Variants in OLFM2 observed in about 807,000 individuals in gnomAD.
OLFM2 encodes the protein noelin-2.
In OLFM2, 20 loss-of-function variants were observed where a neutral mutation model predicts 43.9. The ratio of observed to expected loss-of-function variants is 0.46; its 90% CI spans 0.32 to 0.66. The LOEUF is 0.66. OLFM2 is among the 30% of genes least tolerant of loss of function. The probability of loss-of-function intolerance (pLI) is 0.04; values close to 1 mark genes in which losing one functional copy is unlikely to be tolerated. For synonymous variants in OLFM2, 268 were observed against 278.6 expected, an observed-to-expected ratio of 0.96 and a Z score of 0.38; for missense variants, 416 against 643.6, an observed-to-expected ratio of 0.65 and a Z score of 3.83.
intron 1 of OLFM2, among the ~76,000 whole-genome samples, chr19:9,910,608 G>C (rs2046819611): frequency 6.6e-6 from 1 of 152,202 alleles, no homozygotes; most frequent in African/African-American, 2.4e-5. Context: ...TAGATGAATG[G>C]ATGGAGAGGC....
chr19:9,903,349 GC>G (rs138386406), intron 1 of OLFM2, among the ~76,000 whole-genome samples: 5,060 of 152,216 alleles, frequency 0.033, 190 homozygotes, highest in African/African-American at 0.096. Context: ...CTCCTGAACA[GC>G]CAGGTACCCA....
chr19:9,862,890 G>A (rs2046374296), intron 1 of OLFM2, among the ~76,000 whole-genome samples: 1 of 151,084 alleles, frequency 6.6e-6, no homozygotes, highest in African/African-American at 2.4e-5. Flanking sequence ...CAGGAGAATC[G>A]CTTGAACCTG....
intron 1 of OLFM2, among the ~76,000 whole-genome samples, chr19:9,935,772 C>T (rs1330524351): frequency 1.3e-5 from 2 of 151,634 alleles, no homozygotes; most frequent in Non-Finnish European, 2.9e-5. Flanking sequence ...CACACAAACT[C>T]CCCCCGGTCA....
intron 1 of OLFM2, among the ~76,000 whole-genome samples, chr19:9,894,413 A>T (rs775100871): frequency 9.6e-6 from 1 of 103,666 alleles, no homozygotes; most frequent in African/African-American, 5.2e-5. Context: ...TAATAATAAT[A>T]AATAAATAAA....
At position 9,923,956 on chromosome 19, in the gene OLFM2, C is replaced by T. The variant is rs181081604; in HGVS notation, c.63+12348G>A. Among the ~76,000 whole-genome samples the T allele has an allele frequency of 1.1e-4, 17 of 151,426 alleles. 1 individual carries two copies. Among genetic ancestry groups the T allele is most frequent in the Non-Finnish European group, 5.9e-5 (4 of 67,842 alleles). The stretch of plus-strand genomic sequence containing the variant: ...CTCTACTAAAAATACAAAAATTAGC[C>T]GGGCTTGGTGGTGTGTGCCTGTAAT... On this transcript the variant is annotated intron_variant, in intron 1 of 5. Coordinates refer to ENST00000264833, the MANE Select transcript of OLFM2 (RefSeq NM_058164.4).
intron 1 of OLFM2, among the ~76,000 whole-genome samples, chr19:9,888,569 AACT>A (rs1599482217): frequency 6.6e-6 from 1 of 150,984 alleles, no homozygotes; most frequent in Admixed American, 6.6e-5. Context: ...CCCTGGCCAG[AACT>A]ACAAGTGCCC....
At chr19:9,902,047 G>A (rs549051659) in intron 1 of OLFM2, among the ~76,000 whole-genome samples, 12 of 145,592 alleles carry the variant, frequency 8.2e-5, no homozygotes, top group South Asian at 2.2e-4. Flanking sequence ...TATATATTTC[G>A]AGATGGAGTC....
chr19:9,896,186 C>T (rs1335266057), intron 1 of OLFM2, among the ~76,000 whole-genome samples: 3 of 147,736 alleles, frequency 2.0e-5, no homozygotes, highest in African/African-American at 5.0e-5. Flanking sequence ...CTGCAAGCTC[C>T]GCGTCCCGGG....
chr19:9,910,421 G>A (rs1599495491), intron 1 of OLFM2, among the ~76,000 whole-genome samples: 1 of 152,216 alleles, frequency 6.6e-6, no homozygotes, highest in East Asian at 1.9e-4. Flanking sequence ...AGAGGCACTT[G>A]ATAGTCTTGT....
chr19:9,916,698 C>G (rs963795148), intron 1 of OLFM2, among the ~76,000 whole-genome samples: 4 of 152,168 alleles, frequency 2.6e-5, no homozygotes, highest in African/African-American at 9.7e-5. Flanking sequence ...CTTAGTTCAG[C>G]GCATCCAGGC....
Position 9,918,234 on chromosome 19 carries a change from A to G in OLFM2, c.63+18070T>C, listed in dbSNP as rs578211915. ...CGAGGGGCTGGGCACTCTGTTGCCCAGGCTGGAGTGCAGTGGTGCAATCAT... is the reference window on the plus strand; with the variant it reads ...CGAGGGGCTGGGCACTCTGTTGCCCGGGCTGGAGTGCAGTGGTGCAATCAT... On this transcript the variant is annotated intron_variant, in intron 1 of 5. Transcript: ENST00000264833. Among the ~76,000 whole-genome samples, 36 of 151,930 alleles carry G rather than the reference A, an allele frequency of 2.4e-4. No individual in the cohort carries two copies. The South Asian group carries it at 7.1e-3, about 30-fold the overall frequency.
chr19:9,873,272 G>C (rs1258116057), intron 1 of OLFM2, among the ~76,000 whole-genome samples: 1 of 152,118 alleles, frequency 6.6e-6, no homozygotes, highest in Non-Finnish European at 1.5e-5. Flanking sequence ...TCTCATTTCA[G>C]CTCCCTGAGT....
At chr19:9,855,077 A>T (rs1274800571) in intron 5 of OLFM2, among the ~76,000 whole-genome samples, 1 of 152,128 alleles carries the variant, frequency 6.6e-6, no homozygotes, top group Non-Finnish European at 1.5e-5. Flanking sequence ...GTGACGTCTT[A>T]TCACTCAATG....
intron 1 of OLFM2, chr19:9,913,676 C>G: frequency 1.8e-6 from 2 of 1,106,050 alleles, no homozygotes. Context: ...TGGCCCGCCG[C>G]GGGGCGCTCG....
chr19:9,933,937 G>A (rs775910664), intron 1 of OLFM2, among the ~76,000 whole-genome samples: 3 of 152,300 alleles, frequency 2.0e-5, no homozygotes, highest in African/African-American at 4.8e-5. Context: ...TGCCGACACC[G>A]TATTACATGG....
intron 5 of OLFM2, among the ~76,000 whole-genome samples, chr19:9,855,310 A>G (rs1490521755): frequency 6.8e-6 from 1 of 146,460 alleles, no homozygotes; most frequent in Non-Finnish European, 1.5e-5. Flanking sequence ...GCGTGATCTC[A>G]GCTCACTGCA....
intron 1 of OLFM2, among the ~76,000 whole-genome samples, chr19:9,919,367 T>C (rs952622500): frequency 8.6e-5 from 13 of 151,898 alleles, no homozygotes; most frequent in African/African-American, 7.2e-5. Context: ...GGGGTTTCAC[T>C]GTGTTAGCCA....
chr19:9,928,650 CA>C (rs2086466397), intron 1 of OLFM2, among the ~76,000 whole-genome samples: 2 of 151,560 alleles, frequency 1.3e-5, no homozygotes, highest in South Asian at 4.2e-4. Flanking sequence ...ATTAAAAATA[CA>C]AAAACTAGCC....
At chr19:9,863,739 GTCTT>G (rs1190110222) in intron 1 of OLFM2, among the ~76,000 whole-genome samples, 1 of 151,624 alleles carries the variant, frequency 6.6e-6, no homozygotes, top group Non-Finnish European at 1.5e-5. Flanking sequence ...ACTCAATCGA[GTCTT>G]TTTTTTTTTA....
Sources: allele counts gnomAD v4.1 joint callset (sites outside exome capture counted in the v4.1 genomes callset), GRCh38; gene constraint gnomAD v4.1.1; transcripts MANE v1.5; gene names NCBI Gene and HGNC (gene_info 2026-07-23, HGNC 2026-07-21).